EGLN1: variants seen among roughly 807,000 people sequenced by gnomAD.
EGLN1 encodes egl nine homolog 1.
EGLN1 carries 17 observed loss-of-function variants against 38.3 expected under a neutral mutation model. That is an observed-to-expected ratio of 0.44 (90% confidence interval 0.30 to 0.67). EGLN1 has a LOEUF of 0.67. Among genes scored for constraint, EGLN1 ranks in the 30% least tolerant of loss-of-function variants. EGLN1 has a pLI of 0.08. For missense variants in EGLN1, 477 were observed against 603.3 expected (o/e 0.79, Z 2.19); for synonymous variants, 283 against 257.5 (o/e 1.10, Z -0.95).
chr1:231,406,499 T>G (rs1424883140), intron 1 of EGLN1, among the ~76,000 whole-genome samples: 1 of 152,088 alleles, frequency 6.6e-6, no homozygotes, highest in African/African-American at 2.4e-5. Context: ...ATAGCCAGAC[T>G]GTATAAGGCA....
chr1:231,383,365 C>T (rs1037197149), intron 1 of EGLN1, among the ~76,000 whole-genome samples: 1 of 152,144 alleles, frequency 6.6e-6, no homozygotes, highest in African/African-American at 2.4e-5. Context: ...AACAGGCAAA[C>T]AGTTATGCAA....
chr1:231,391,038 T>A (rs1330675978), intron 1 of EGLN1, among the ~76,000 whole-genome samples: 1 of 148,998 alleles, frequency 6.7e-6, no homozygotes, highest in African/African-American at 2.5e-5. Flanking sequence ...AGGAACTGAT[T>A]CACCACGACC....
chr1:231,411,097 T>G (rs953513507), intron 1 of EGLN1, among the ~76,000 whole-genome samples: 1 of 152,210 alleles, frequency 6.6e-6, no homozygotes, highest in African/African-American at 2.4e-5. Flanking sequence ...TAATATGGTT[T>G]GGCTCTGTCT....
intron 1 of EGLN1, among the ~76,000 whole-genome samples, chr1:231,417,940 C>T (rs1362785685): frequency 6.6e-6 from 1 of 152,100 alleles, no homozygotes; most frequent in Non-Finnish European, 1.5e-5. Flanking sequence ...GAATTTAAGT[C>T]CTAATATGCT....
intron 1 of EGLN1, among the ~76,000 whole-genome samples, chr1:231,390,748 A>AT (rs1688345667): frequency 1.3e-5 from 2 of 152,264 alleles, no homozygotes; most frequent in South Asian, 4.1e-4. Context: ...AAAGAAGAGC[A>AT]TAAGGCAGCA....
At chr1:231,403,939 A>G (rs2790873) in intron 1 of EGLN1, among the ~76,000 whole-genome samples, 87,539 of 151,778 alleles carry the variant, frequency 0.58, 26,040 homozygotes, top group Non-Finnish European at 0.65. Context: ...ATATATTTCT[A>G]TAAGAAAAAC....
intron 1 of EGLN1, among the ~76,000 whole-genome samples, chr1:231,404,655 G>A (rs1394505948): frequency 3.3e-5 from 5 of 151,986 alleles, no homozygotes. Flanking sequence ...ATTTGTGTGT[G>A]AGATTTGATC....
At chr1:231,378,826 C>A (rs1194109061) in intron 1 of EGLN1, among the ~76,000 whole-genome samples, 1 of 152,072 alleles carries the variant, frequency 6.6e-6, no homozygotes, top group Non-Finnish European at 1.5e-5. Flanking sequence ...GGTTACAGAA[C>A]TATTATTTTT....
rs964641218 is a variant in EGLN1 at position 231,391,088 on chromosome 1, TTTTTTGTGTG to T, written c.892-16999_892-16990del. Among the ~76,000 whole-genome samples, 10 of 34,736 alleles carry T rather than the reference TTTTTTGTGTG, an allele frequency of 2.9e-4. 1 individual carries two copies. Among genetic ancestry groups the T allele is most frequent in the East Asian group, 2.5e-3 (2 of 800 alleles). 22.8% of individuals were successfully genotyped at this position (34,736 alleles called of 152,430 possible). On this transcript the variant is annotated intron_variant, in intron 1 of 4. Transcript: ENST00000366641. ...TGAGACAGGGAACTCATTCTGTTTT[TTTTTTGTGTG>T]TGTGTGTGTGTGTGTGTGTGTGTGT...
chr1:231,413,021 C>CAT (rs778337622), intron 1 of EGLN1, among the ~76,000 whole-genome samples: 2 of 152,082 alleles, frequency 1.3e-5, no homozygotes, highest in Non-Finnish European at 2.9e-5. Context: ...TATCCTACTA[C>CAT]ATCAATCACA....
Position 231,421,899 on chromosome 1 carries a change from G to GCGGCGGCGA in EGLN1, c.-20_-12dup. 7.1e-7 allele frequency: 1 copy of GCGGCGGCGA among 1,412,562 alleles called. No individual in the cohort carries two copies. Among genetic ancestry groups the GCGGCGGCGA allele is most frequent in the Non-Finnish European group, 9.1e-7 (1 of 1,093,194 alleles). 87.5% of individuals were successfully genotyped at this position (1,412,562 alleles called of 1,614,324 possible). A position where few individuals can be genotyped will look rare whatever the true frequency, so the allele number is the denominator to read the frequency against. On this transcript the variant is annotated 5_prime_UTR_variant, in exon 1 of 5. Coordinates refer to ENST00000366641, the MANE Select transcript of EGLN1 (RefSeq NM_022051.3). The surrounding 1 kb of genome is among the most constrained non-coding windows in gnomAD (Gnocchi z 5.5). ...GCTGTCATTGGCCATGGCGGCGGCG[G>GCGGCGGCGA]CGGCGGCGACGGCGACTGCGGCGGC... is the stretch of plus-strand genomic sequence containing the variant.
intron 1 of EGLN1, among the ~76,000 whole-genome samples, chr1:231,406,468 C>T (rs573890657): frequency 7.9e-5 from 12 of 151,972 alleles, no homozygotes; most frequent in Admixed American, 7.2e-4. Context: ...TGGTATATAC[C>T]GGTTAACTTT....
At chr1:231,391,908 T>C (rs1328356408) in intron 1 of EGLN1, among the ~76,000 whole-genome samples, 2 of 152,156 alleles carry the variant, frequency 1.3e-5, no homozygotes, top group Non-Finnish European at 2.9e-5. Flanking sequence ...ATTTTACATA[T>C]TCAAGTATGG....
chr1:231,408,063 G>A (rs1688840004), intron 1 of EGLN1, among the ~76,000 whole-genome samples: 4 of 152,156 alleles, frequency 2.6e-5, no homozygotes, highest in Admixed American at 2.6e-4. Flanking sequence ...GTCCTCTGCC[G>A]AAGACAGAAT....
At chr1:231,405,196 G>C (rs946711320) in intron 1 of EGLN1, among the ~76,000 whole-genome samples, 1 of 152,000 alleles carries the variant, frequency 6.6e-6, no homozygotes, top group East Asian at 1.9e-4. Context: ...TTTTTGAGAC[G>C]GAGTCTTGTT....
chr1:231,406,846 T>C (rs1017933542), intron 1 of EGLN1, among the ~76,000 whole-genome samples: 4 of 152,166 alleles, frequency 2.6e-5, no homozygotes, highest in East Asian at 1.9e-4. Flanking sequence ...CTAGCTTATA[T>C]GACCGCCTTG....
At chr1:231,390,061 G>A (rs950006691) in intron 1 of EGLN1, among the ~76,000 whole-genome samples, 1 of 152,170 alleles carries the variant, frequency 6.6e-6, no homozygotes, top group Non-Finnish European at 1.5e-5. Context: ...GTTACTTTGG[G>A]CAAATTATTC....
Position 231,422,199 on chromosome 1 carries a change from C to G in EGLN1, c.-311G>C, listed in dbSNP as rs967642876. ...GGGCCTGGGGAGCGCAAGACCGGCC[C>G]CCTCGGCCGCCGCCGCCGCCTCAGC... On this transcript the variant is annotated 5_prime_UTR_variant, in exon 1 of 5. Transcript: ENST00000366641. 4 of 201,106 alleles carry G rather than the reference C, an allele frequency of 2.0e-5. No individual in the cohort carries two copies. Among genetic ancestry groups the G allele is most frequent in the African/African-American group, 7.0e-5 (3 of 42,904 alleles). The allele number at this position is 201,106 out of a possible 1,614,324, so 12.5% of individuals were successfully genotyped here.
In EGLN1 at chr1:231,365,723, G is replaced by GGT. The variant is rs1452044243; in HGVS notation, c.*686_*687dup. 1.3e-5 allele frequency: 2 copies of GGT among 152,202 alleles called. No homozygotes were observed. Among genetic ancestry groups the GGT allele is most frequent in the African/African-American group, 4.8e-5 (2 of 41,376 alleles). The allele number at this position is 152,202 out of a possible 1,614,324, so 9.4% of individuals were successfully genotyped here. ...TAACTAAAAGTTATTGGTAGTAAAT[G>GGT]GTGACTGTTTTACAATTAGGTTTCG... On this transcript the variant is annotated 3_prime_UTR_variant, in exon 5 of 5. Coordinates refer to ENST00000366641, the MANE Select transcript of EGLN1 (RefSeq NM_022051.3).
Sources: allele counts gnomAD v4.1 joint callset (sites outside exome capture counted in the v4.1 genomes callset), GRCh38; gene constraint gnomAD v4.1.1; non-coding constraint Gnocchi (gnomAD v3.1); transcripts MANE v1.5; gene names NCBI Gene and HGNC (gene_info 2026-07-23, HGNC 2026-07-21).